Variants in GABRB1 observed in about 807,000 individuals in gnomAD.
GABRB1 encodes the protein gamma-aminobutyric acid receptor subunit beta-1.
Under a neutral mutation model 51.6 loss-of-function variants are expected in GABRB1, and 17 were observed. The ratio of observed to expected loss-of-function variants is 0.33; its 90% CI spans 0.23 to 0.49. GABRB1 has a LOEUF of 0.49. Ranked by LOEUF, GABRB1 falls within the 20% of genes least tolerant of loss-of-function variation. The pLI is 0.99. For synonymous variants in GABRB1, 247 were observed against 218.9 expected, an observed-to-expected ratio of 1.13 and a Z score of -1.14; for missense variants, 410 against 600.6, an observed-to-expected ratio of 0.68 and a Z score of 3.32.
At chr4:47,160,631 C>G (rs890694853) in intron 3 of GABRB1, among the ~76,000 whole-genome samples, 1 of 152,050 alleles carries the variant, frequency 6.6e-6, no homozygotes, top group African/African-American at 2.4e-5. Flanking sequence ...TACAATTTCT[C>G]TTTATGGCCT....
At chr4:47,142,733 A>C (rs1159995602) in intron 3 of GABRB1, among the ~76,000 whole-genome samples, 1 of 151,822 alleles carries the variant, frequency 6.6e-6, no homozygotes, top group Non-Finnish European at 1.5e-5. Context: ...AATGAAGGAA[A>C]TTGGTAATTG....
intron 4 of GABRB1, among the ~76,000 whole-genome samples, chr4:47,174,174 C>T (rs947102567): frequency 4.6e-5 from 7 of 152,088 alleles, no homozygotes; most frequent in Non-Finnish European, 1.0e-4. Flanking sequence ...AAGCAATATG[C>T]CTGCCTCAGC....
intron 4 of GABRB1, among the ~76,000 whole-genome samples, chr4:47,260,228 G>A (rs936177878): frequency 5.3e-5 from 8 of 151,610 alleles, no homozygotes; most frequent in Admixed American, 1.3e-4. Context: ...GTCTCTGCAT[G>A]TGAGATGGGT....
intron 4 of GABRB1, among the ~76,000 whole-genome samples, chr4:47,315,574 T>C (rs956196787): frequency 6.6e-6 from 1 of 151,918 alleles, no homozygotes; most frequent in South Asian, 2.1e-4. Context: ...TAAAGATACA[T>C]ACACACATAT....
intron 4 of GABRB1, among the ~76,000 whole-genome samples, chr4:47,239,820 T>G (rs1211058352): frequency 6.6e-6 from 1 of 152,188 alleles, no homozygotes; most frequent in Non-Finnish European, 1.5e-5. Flanking sequence ...GCAGCTTGGT[T>G]CCAGTCCTGG....
At chr4:47,009,465 C>T (rs985508263) in intron 1 of GABRB1, among the ~76,000 whole-genome samples, 5 of 152,024 alleles carry the variant, frequency 3.3e-5, no homozygotes, top group African/African-American at 1.2e-4. Flanking sequence ...ACACTATCTA[C>T]CAAGTTTAAT....
rs564998960 is a variant in GABRB1 at position 47,350,933 on chromosome 4, G to A, written c.544+30724G>A. ...GATGCCCAACTGAGAGGCTTTCACA[G>A]ATAATTTCCTCAATAATGGTTTGTT... On this transcript the variant is annotated intron_variant, in intron 5 of 8. Coordinates refer to ENST00000295454, the MANE Select transcript of GABRB1 (RefSeq NM_000812.4). Among the ~76,000 whole-genome samples, 40 of 152,324 alleles carry A rather than the reference G, an allele frequency of 2.6e-4. No homozygotes were observed. The South Asian group carries it at 5.8e-3, about 22-fold the overall frequency.
intron 7 of GABRB1, 83 bp from the exon 8 acceptor site, chr4:47,406,599 G>A: frequency 6.5e-7 from 1 of 1,548,428 alleles, no homozygotes; most frequent in Non-Finnish European, 8.8e-7. Flanking sequence ...TAAGGAAGTG[G>A]CAAATGGCAT....
At chr4:47,135,519 A>C (rs1198099171) in intron 3 of GABRB1, among the ~76,000 whole-genome samples, 1 of 152,152 alleles carries the variant, frequency 6.6e-6, no homozygotes, top group Non-Finnish European at 1.5e-5. Context: ...AAGAGAAAGA[A>C]GTAAAGATAC....
chr4:47,161,030 G>A (rs930785507), intron 3 of GABRB1, among the ~76,000 whole-genome samples: 2 of 151,660 alleles, frequency 1.3e-5, no homozygotes, highest in Non-Finnish European at 2.9e-5. Context: ...TGGGCTCAAG[G>A]GATTCTCCTG....
chr4:47,101,062 G>T (rs972421173), intron 3 of GABRB1, among the ~76,000 whole-genome samples: 8 of 151,948 alleles, frequency 5.3e-5, no homozygotes, highest in African/African-American at 1.7e-4. Flanking sequence ...ATGAAAATAA[G>T]GTTGGTCTTA....
chr4:47,212,360 A>G (rs1368924141), intron 4 of GABRB1, among the ~76,000 whole-genome samples: 1 of 152,150 alleles, frequency 6.6e-6, no homozygotes, highest in African/African-American at 2.4e-5. Context: ...ATGGTAAGAG[A>G]CAGTCTGTGA....
At chr4:47,224,227 A>G (rs998579744) in intron 4 of GABRB1, among the ~76,000 whole-genome samples, 1 of 150,004 alleles carries the variant, frequency 6.7e-6, no homozygotes, top group African/African-American at 2.4e-5. Context: ...GACTCAAATA[A>G]GACTCAAATG....
chr4:47,084,965 A>G (rs917784858), intron 3 of GABRB1, among the ~76,000 whole-genome samples: 1 of 152,132 alleles, frequency 6.6e-6, no homozygotes, highest in African/African-American at 2.4e-5. Flanking sequence ...CTTGGGAGTT[A>G]TTAAGCTAAA....
At chr4:47,376,604 A>G (rs552025215) in intron 5 of GABRB1, among the ~76,000 whole-genome samples, 3 of 152,150 alleles carry the variant, frequency 2.0e-5, no homozygotes, top group African/African-American at 4.8e-5. Flanking sequence ...CCGAGACCGC[A>G]CCACTGCACT....
intron 5 of GABRB1, among the ~76,000 whole-genome samples, chr4:47,351,833 A>C (rs1160646250): frequency 6.6e-6 from 1 of 151,780 alleles, no homozygotes; most frequent in Non-Finnish European, 1.5e-5. Context: ...GGTTGGTTCC[A>C]AGTCTTTGCT....
chr4:47,314,813 A>G (rs1478401708), intron 4 of GABRB1, among the ~76,000 whole-genome samples: 1 of 151,980 alleles, frequency 6.6e-6, no homozygotes, highest in Non-Finnish European at 1.5e-5. Context: ...TAAACAGAAA[A>G]TCAGGATGCC....
At chr4:47,206,430 T>G (rs987620464) in intron 4 of GABRB1, among the ~76,000 whole-genome samples, 2 of 152,006 alleles carry the variant, frequency 1.3e-5, no homozygotes, top group Non-Finnish European at 2.9e-5. Context: ...ATTCTGTACA[T>G]CTTTTGTAAC....
intron 3 of GABRB1, among the ~76,000 whole-genome samples, chr4:47,051,520 G>T (rs1726348146): frequency 6.6e-6 from 1 of 152,120 alleles, no homozygotes; most frequent in South Asian, 2.1e-4. Context: ...TTGCAGTGTT[G>T]TAAAACATCA....
Sources: gnomAD v4.1 joint callset for allele counts (sites outside exome capture counted in the v4.1 genomes callset) on GRCh38, gnomAD v4.1.1 for gene constraint, MANE v1.5 for transcripts, NCBI Gene and HGNC (gene_info 2026-07-23, HGNC 2026-07-21) for gene names.